PRUNE1: variants seen among roughly 807,000 people sequenced by gnomAD.
The protein encoded by PRUNE1 is prune exopolyphosphatase 1.
A neutral mutation model predicts 42.5 loss-of-function variants in PRUNE1; 25 were observed. The observed-to-expected ratio is 0.59, with a 90% CI of 0.43 to 0.82. The LOEUF is 0.82. PRUNE1 is among the 40% of genes least tolerant of loss of function. The pLI, the probability that PRUNE1 is intolerant of heterozygous loss-of-function variation, is 0.00. For synonymous variants in PRUNE1, 203 were observed against 217.1 expected, an observed-to-expected ratio of 0.93 and a Z score of 0.57; for missense variants, 443 against 539.3, an observed-to-expected ratio of 0.82 and a Z score of 1.77.
At chr1:151,023,501 C>T (rs1254411315) in intron 3 of PRUNE1, among the ~76,000 whole-genome samples, 2 of 151,746 alleles carry the variant, frequency 1.3e-5, no homozygotes, top group Non-Finnish European at 2.9e-5. Context: ...GGGCGGATCA[C>T]GAGGTCAGGA....
intron 1 of PRUNE1, among the ~76,000 whole-genome samples, chr1:151,012,647 G>A (rs184166813): frequency 3.9e-5 from 6 of 152,238 alleles, no homozygotes; most frequent in Admixed American, 6.5e-5. Context: ...CTTGAACAAC[G>A]GGGAGAAGTA....
intron 7 of PRUNE1, among the ~76,000 whole-genome samples, chr1:151,030,855 G>A (rs957787422): frequency 3.0e-4 from 45 of 152,230 alleles, no homozygotes; most frequent in African/African-American, 1.1e-3. Flanking sequence ...CTCACTCTTT[G>A]AGCTAAGGCA....
chr1:151,018,948 C>G (rs1419743884), intron 3 of PRUNE1, among the ~76,000 whole-genome samples: 2 of 152,092 alleles, frequency 1.3e-5, no homozygotes, highest in Non-Finnish European at 2.9e-5. Flanking sequence ...GAGGCTGAGG[C>G]GGGAGAATCA....
intron 4 of PRUNE1, 106 bp from the exon 5 acceptor site, chr1:151,025,409 A>T: frequency 8.6e-7 from 1 of 1,157,386 alleles, no homozygotes. Flanking sequence ...ATTTTGCTAT[A>T]CAAATCTCCT....
At chr1:151,021,417 C>T (rs1041246734) in intron 3 of PRUNE1, among the ~76,000 whole-genome samples, 4 of 151,986 alleles carry the variant, frequency 2.6e-5, no homozygotes, top group Non-Finnish European at 5.9e-5. Flanking sequence ...ATCATGCCAT[C>T]GCACTCCAGC....
chr1:151,009,057 C>G (rs894402178), intron 1 of PRUNE1, among the ~76,000 whole-genome samples: 1 of 152,124 alleles, frequency 6.6e-6, no homozygotes, highest in African/African-American at 2.4e-5. Flanking sequence ...CCCCGCCCCT[C>G]TTTGAGTTCT....
chr1:151,028,382 G>A (rs1675012698), intron 6 of PRUNE1, among the ~76,000 whole-genome samples: 1 of 152,014 alleles, frequency 6.6e-6, no homozygotes. Context: ...TGGGATTACT[G>A]GTGCGTGCCG....
intron 6 of PRUNE1, among the ~76,000 whole-genome samples, chr1:151,027,966 A>G (rs1307205338): frequency 6.6e-6 from 1 of 152,136 alleles, no homozygotes; most frequent in Non-Finnish European, 1.5e-5. Context: ...TTACAGCGCC[A>G]TGCTTGATCT....
chr1:151,030,016 C>G (rs1675142041), intron 7 of PRUNE1, among the ~76,000 whole-genome samples: 1 of 151,800 alleles, frequency 6.6e-6, no homozygotes, highest in African/African-American at 2.4e-5. Context: ...GTAATCCCAG[C>G]ACTTTGGGAA....
chr1:151,027,551 T>C (rs908799072), intron 6 of PRUNE1, among the ~76,000 whole-genome samples: 1 of 151,708 alleles, frequency 6.6e-6, no homozygotes, highest in Non-Finnish European at 1.5e-5. Flanking sequence ...CTACAAACCA[T>C]TCTCCCCGCA....
Position 151,008,494 on chromosome 1 carries a change from G to T in PRUNE1, c.-139G>T. On this transcript the variant is annotated 5_prime_UTR_variant, in exon 1 of 8. Transcript: ENST00000271620. The stretch of plus-strand genomic sequence containing the variant: ...CCGGGGTCGGAGGCCGATTCGCCGT[G>T]TGGCGGGTTCGAGTCCCGCCTCCTG... 1 of 1,259,022 alleles carries T rather than the reference G, an allele frequency of 7.9e-7. No individual in the cohort carries two copies. Among genetic ancestry groups the T allele is most frequent in the Non-Finnish European group, 1.1e-6 (1 of 870,778 alleles). The allele number at this position is 1,259,022 out of a possible 1,614,324, so 78.0% of individuals were successfully genotyped here. A position where few individuals can be genotyped will look rare whatever the true frequency, so the allele number is the denominator to read the frequency against.
Position 151,024,065 on chromosome 1 carries a change from G to A in PRUNE1, c.336-546G>A, listed in dbSNP as rs141433103. Reference sequence around the variant, plus strand: ...AGCCGGGTTTGGTGGCACGTGCCTTGTAATCCTGGTTACCCAGGAGGCTGA... The same window carrying A: ...AGCCGGGTTTGGTGGCACGTGCCTTATAATCCTGGTTACCCAGGAGGCTGA... On this transcript the variant is annotated intron_variant, in intron 3 of 7. Coordinates refer to ENST00000271620, the MANE Select transcript of PRUNE1 (RefSeq NM_021222.3). Among the ~76,000 whole-genome samples the A allele has an allele frequency of 2.1e-4, 32 of 151,578 alleles. No homozygotes were observed. In the East Asian group the frequency reaches 2.5e-3, roughly 12 times the overall value.
intron 6 of PRUNE1, 100 bp from the exon 7 acceptor site, chr1:151,028,686 G>A: frequency 7.8e-7 from 1 of 1,284,406 alleles, no homozygotes; most frequent in Non-Finnish European, 1.1e-6. Context: ...GCCTCCCAAA[G>A]TGCTAGGATT....
intron 3 of PRUNE1, among the ~76,000 whole-genome samples, chr1:151,022,299 G>T (rs1176527412): frequency 1.3e-5 from 2 of 151,108 alleles, no homozygotes; most frequent in African/African-American, 4.9e-5. Flanking sequence ...TAGTAGAGAC[G>T]GGGTTTCACC....
chr1:151,019,556 CAAA>C (rs61399605), intron 3 of PRUNE1, among the ~76,000 whole-genome samples: 6 of 106,206 alleles, frequency 5.6e-5, no homozygotes, highest in Admixed American at 1.0e-4. Flanking sequence ...GACCCTGTCT[CAAA>C]AAAAAAAAAA....
intron 3 of PRUNE1, among the ~76,000 whole-genome samples, chr1:151,023,642 T>G (rs587674546): frequency 6.7e-6 from 1 of 148,952 alleles, no homozygotes; most frequent in Non-Finnish European, 1.5e-5. Flanking sequence ...TGCTTGAACC[T>G]GGGAGGCGGA....
At chr1:151,009,546 G>C (rs191140412) in intron 1 of PRUNE1, among the ~76,000 whole-genome samples, 99 of 152,232 alleles carry the variant, frequency 6.5e-4, no homozygotes, top group Non-Finnish European at 1.1e-3. Flanking sequence ...GAGGTCACCC[G>C]GCCCCTCTAC....
intron 3 of PRUNE1, among the ~76,000 whole-genome samples, chr1:151,020,115 G>A (rs1674329244): frequency 2.2e-5 from 3 of 139,016 alleles, no homozygotes. Context: ...TTACAGGCGT[G>A]AGCCACCACA....
At chr1:151,029,534 A>AT (rs1675104941) in intron 7 of PRUNE1, among the ~76,000 whole-genome samples, 2 of 151,440 alleles carry the variant, frequency 1.3e-5, no homozygotes, top group Admixed American at 6.6e-5. Context: ...CGCCCGGCTA[A>AT]TTTTTTGTAT....
Sources: gnomAD v4.1 joint callset for allele counts (sites outside exome capture counted in the v4.1 genomes callset) on GRCh38, gnomAD v4.1.1 for gene constraint, MANE v1.5 for transcripts, NCBI Gene and HGNC (gene_info 2026-07-23, HGNC 2026-07-21) for gene names.